The following FSTL5 variants were observed in gnomAD, a reference collection of about 807,000 sequenced individuals.
FSTL5 encodes the protein follistatin-related protein 5.
Under a neutral mutation model 89.1 loss-of-function variants are expected in FSTL5, and 62 were observed. That is an observed-to-expected ratio of 0.70 (90% CI 0.57 to 0.86). The LOEUF is 0.86. Ranked by LOEUF, FSTL5 falls within the 40% of genes least tolerant of loss-of-function variation. The pLI is 0.00. For synonymous variants in FSTL5, 383 were observed against 346.2 expected, an observed-to-expected ratio of 1.11 and a Z score of -1.18; for missense variants, 1,057 against 1,001.6, an observed-to-expected ratio of 1.06 and a Z score of -0.75.
intron 4 of FSTL5, among the ~76,000 whole-genome samples, chr4:161,901,275 G>A (rs758727251): frequency 6.6e-6 from 1 of 151,982 alleles, no homozygotes; most frequent in Non-Finnish European, 1.5e-5. Flanking sequence ...TTTAAGTAGC[G>A]TAGCCTGTGA....
intron 6 of FSTL5, chr4:161,664,871 T>C: frequency 5.3e-6 from 1 of 187,612 alleles, no homozygotes; most frequent in Non-Finnish European, 1.0e-5. Context: ...AAGGCAGTTC[T>C]TACATGGCAG....
At chr4:162,030,745 T>C (rs1418446211) in intron 3 of FSTL5, among the ~76,000 whole-genome samples, 1 of 152,200 alleles carries the variant, frequency 6.6e-6, no homozygotes, top group Admixed American at 6.6e-5. Flanking sequence ...TTTATTAAGT[T>C]GGCAGACTCT....
chr4:161,828,707 G>C (rs1021296808), intron 4 of FSTL5, among the ~76,000 whole-genome samples: 4 of 152,000 alleles, frequency 2.6e-5, no homozygotes, highest in Non-Finnish European at 5.9e-5. Flanking sequence ...CTAAGATTTA[G>C]TGATATTTAA....
intron 6 of FSTL5, among the ~76,000 whole-genome samples, chr4:161,674,334 A>G (rs1316663237): frequency 6.6e-6 from 1 of 152,122 alleles, no homozygotes; most frequent in Non-Finnish European, 1.5e-5. Flanking sequence ...GGGGAAAAAA[A>G]GGGAAGATTT....
chr4:161,992,535 A>T (rs1564711), intron 3 of FSTL5, among the ~76,000 whole-genome samples: 1 of 151,450 alleles, frequency 6.6e-6, no homozygotes, highest in Non-Finnish European at 1.5e-5. Flanking sequence ...AAGGTGTGAG[A>T]GGTCTTTAGA....
chr4:161,783,799 C>G (rs985410144), intron 4 of FSTL5, among the ~76,000 whole-genome samples: 3 of 143,750 alleles, frequency 2.1e-5, no homozygotes, highest in African/African-American at 7.8e-5. Context: ...CTGTTGTCAC[C>G]CAGGCTGGAG....
intron 4 of FSTL5, among the ~76,000 whole-genome samples, chr4:161,888,534 T>C (rs901497657): frequency 1.3e-5 from 2 of 152,220 alleles, no homozygotes; most frequent in African/African-American, 4.8e-5. Context: ...TATACATATA[T>C]TATTTTGCAA....
chr4:162,073,425 A>G (rs1355112259), intron 2 of FSTL5, among the ~76,000 whole-genome samples: 1 of 151,792 alleles, frequency 6.6e-6, no homozygotes, highest in African/African-American at 2.4e-5. Context: ...TTTTTTAAAT[A>G]AAGTCAAACA....
At chr4:162,157,736 T>C (rs984830981) in intron 1 of FSTL5, among the ~76,000 whole-genome samples, 106 of 152,122 alleles carry the variant, frequency 7.0e-4, no homozygotes, top group African/African-American at 2.4e-3. Flanking sequence ...TCCTTTGGGA[T>C]CCACTTAATA....
At chr4:161,811,434 C>A (rs1028389206) in intron 4 of FSTL5, among the ~76,000 whole-genome samples, 1 of 152,074 alleles carries the variant, frequency 6.6e-6, no homozygotes, top group African/African-American at 2.4e-5. Context: ...CTTGTGACAG[C>A]ACTTTAATGG....
At chr4:161,598,353 T>C (rs1327899615) in intron 7 of FSTL5, among the ~76,000 whole-genome samples, 1 of 149,762 alleles carries the variant, frequency 6.7e-6, no homozygotes. Flanking sequence ...CCAGCCTCAG[T>C]GACAGAGTGA....
intron 1 of FSTL5, among the ~76,000 whole-genome samples, chr4:162,124,659 A>G (rs1731998829): frequency 6.6e-6 from 1 of 152,298 alleles, no homozygotes; most frequent in East Asian, 1.9e-4. Flanking sequence ...TGGAGACTCT[A>G]TCAAAACATA....
In FSTL5 at chr4:161,396,863, A is replaced by G. The variant is rs201914568; in HGVS notation, c.1842-10414T>C. Among the ~76,000 whole-genome samples the G allele has an allele frequency of 6.6e-5, 10 of 152,256 alleles. No individual in the cohort carries two copies. The East Asian group carries it at 1.7e-3, about 26-fold the overall frequency. On this transcript the variant is annotated intron_variant, in intron 15 of 15. Coordinates refer to ENST00000306100, the MANE Select transcript of FSTL5 (RefSeq NM_020116.5). ...TTGGAGAAGGAAAATTAAAGTGTGG[A>G]ATAGAAATAAAGACAATTGATAAAC... is the stretch of plus-strand genomic sequence containing the variant.
chr4:161,459,089 G>A, intron 14 of FSTL5, 123 bp downstream of exon 14: 1 of 665,812 alleles, frequency 1.5e-6, no homozygotes. Context: ...TGCCTATCTA[G>A]TTATGATTAA....
At chr4:162,019,341 A>G (rs1387149465) in intron 3 of FSTL5, among the ~76,000 whole-genome samples, 2 of 152,026 alleles carry the variant, frequency 1.3e-5, no homozygotes, top group Non-Finnish European at 2.9e-5. Context: ...CAGATTTGCA[A>G]CCTCAATTCT....
chr4:161,526,689 T>C (rs1189824353), intron 10 of FSTL5, among the ~76,000 whole-genome samples: 1 of 152,188 alleles, frequency 6.6e-6, no homozygotes, highest in East Asian at 1.9e-4. Flanking sequence ...CCCAGCACCA[T>C]TTATTGAATA....
intron 7 of FSTL5, among the ~76,000 whole-genome samples, chr4:161,615,384 T>A (rs751792809): frequency 1.5e-5 from 2 of 132,384 alleles, no homozygotes; most frequent in Non-Finnish European, 3.1e-5. Flanking sequence ...CAGAATGGCA[T>A]GAACCAGGGA....
chr4:161,802,148 T>G (rs975519823), intron 4 of FSTL5, among the ~76,000 whole-genome samples: 10 of 151,716 alleles, frequency 6.6e-5, no homozygotes, highest in Non-Finnish European at 1.3e-4. Flanking sequence ...GAATTTTCCT[T>G]CACATGTACC....
chr4:162,102,446 G>C (rs2111385839), intron 2 of FSTL5, among the ~76,000 whole-genome samples: 1 of 150,818 alleles, frequency 6.6e-6, no homozygotes, highest in South Asian at 2.1e-4. Context: ...CTTGTCAGGA[G>C]TCCAGATCAC....
Sources: gnomAD v4.1 joint callset for allele counts (sites outside exome capture counted in the v4.1 genomes callset) on GRCh38, gnomAD v4.1.1 for gene constraint, MANE v1.5 for transcripts, NCBI Gene and HGNC (gene_info 2026-07-23, HGNC 2026-07-21) for gene names.